FNDC3A: variants seen among roughly 807,000 people sequenced by gnomAD.
The protein encoded by FNDC3A is fibronectin type III domain containing 3A, also known as fibronectin type-III domain-containing protein 3A.
In FNDC3A, 32 loss-of-function variants were observed where a neutral mutation model predicts 148.9. That is an observed-to-expected ratio of 0.21 (90% confidence interval 0.16 to 0.29). The LOEUF is 0.29. FNDC3A is among the 10% of genes least tolerant of loss of function. The pLI, the probability that FNDC3A is intolerant of heterozygous loss-of-function variation, is 1.00. For missense variants in FNDC3A, 1,191 were observed against 1,452.8 expected, an observed-to-expected ratio of 0.82 and a Z score of 2.93; for synonymous variants, 472 against 473.6, an observed-to-expected ratio of 1.00 and a Z score of 0.04.
chr13:49,170,099 G>C (rs762856750), intron 10 of FNDC3A, among the ~76,000 whole-genome samples: 1 of 152,096 alleles, frequency 6.6e-6, no homozygotes. Context: ...AGATGTAGGT[G>C]GTGGTACCTC....
intron 7 of FNDC3A, among the ~76,000 whole-genome samples, chr13:49,142,882 C>G (rs1882768640): frequency 6.6e-6 from 1 of 152,122 alleles, no homozygotes. Flanking sequence ...CTTTTTGAGA[C>G]AGAGTCTTGC....
chr13:49,040,065 A>G (rs1874808485), intron 2 of FNDC3A, among the ~76,000 whole-genome samples: 1 of 152,204 alleles, frequency 6.6e-6, no homozygotes, highest in African/African-American at 2.4e-5. Flanking sequence ...ATGTCATCGT[A>G]GGACACTTGT....
chr13:49,112,148 A>G (rs573120431), intron 3 of FNDC3A, among the ~76,000 whole-genome samples: 1 of 152,306 alleles, frequency 6.6e-6, no homozygotes, highest in East Asian at 1.9e-4. Context: ...TAAGGATTAA[A>G]TTTGACAGCA....
At chr13:49,075,861 T>TCCAGTCCTA (rs1272748764) in intron 3 of FNDC3A, among the ~76,000 whole-genome samples, 1 of 118,636 alleles carries the variant, frequency 8.4e-6, no homozygotes, top group African/African-American at 3.2e-5. Flanking sequence ...AAGACTGAGC[T>TCCAGTCCTA]CCAGTCCTAC....
chr13:49,046,728 TGTA>T (rs1235688039), intron 2 of FNDC3A: 11 of 152,430 alleles, frequency 7.2e-5, no homozygotes, highest in Admixed American at 2.0e-4. Flanking sequence ...CACCTAATGG[TGTA>T]GTAATAGTGT....
At chr13:49,027,942 A>G (rs1472308108) in intron 2 of FNDC3A, among the ~76,000 whole-genome samples, 1 of 152,116 alleles carries the variant, frequency 6.6e-6, no homozygotes, top group African/African-American at 2.4e-5. Context: ...TTCAGGTGCA[A>G]TGGCTCACAC....
chr13:49,013,596 A>ATGTACACGTGTATACATG (rs1267037774), intron 2 of FNDC3A, among the ~76,000 whole-genome samples: 7 of 151,570 alleles, frequency 4.6e-5, no homozygotes, highest in South Asian at 2.1e-4. Context: ...GCAAGTATAG[A>ATGTACACGTGTATACATG]TGTACACGTG....
chr13:49,122,423 C>T (rs545410386), intron 4 of FNDC3A, among the ~76,000 whole-genome samples: 1 of 152,262 alleles, frequency 6.6e-6, no homozygotes, highest in South Asian at 2.1e-4. Flanking sequence ...GAAGCATTAC[C>T]TTTGAAAACC....
chr13:49,076,557 A>G (rs979002433), intron 3 of FNDC3A, among the ~76,000 whole-genome samples: 10 of 151,744 alleles, frequency 6.6e-5, no homozygotes, highest in African/African-American at 2.4e-4. Flanking sequence ...CGGTGAGTAC[A>G]TTTCTCATCA....
intron 8 of FNDC3A, among the ~76,000 whole-genome samples, chr13:49,149,647 ACTTTT>A (rs1046719294): frequency 1.3e-5 from 2 of 152,020 alleles, no homozygotes; most frequent in African/African-American, 4.8e-5. Context: ...ATTAGTCTGT[ACTTTT>A]CTTTTTTTGT....
intron 3 of FNDC3A, 33 bp from the exon 4 acceptor site, chr13:49,114,622 T>G (rs1453102477): frequency 2.7e-6 from 4 of 1,459,416 alleles, no homozygotes; most frequent in Non-Finnish European, 3.8e-6. Flanking sequence ...TAAGCAATCA[T>G]GGGTTAATAC....
At chr13:49,022,800 T>TC (rs1399488581) in intron 2 of FNDC3A, among the ~76,000 whole-genome samples, 2 of 151,988 alleles carry the variant, frequency 1.3e-5, no homozygotes, top group African/African-American at 4.8e-5. Flanking sequence ...TTAGTTTTTT[T>TC]CTCCCACACG....
At chr13:49,069,978 A>G (rs1486244236) in intron 2 of FNDC3A, among the ~76,000 whole-genome samples, 2 of 152,326 alleles carry the variant, frequency 1.3e-5, no homozygotes, top group East Asian at 3.9e-4. Context: ...TCTTCAGATA[A>G]ATTTTAGATA....
chr13:49,066,189 C>T (rs1385150137), intron 2 of FNDC3A, among the ~76,000 whole-genome samples: 1 of 152,098 alleles, frequency 6.6e-6, no homozygotes, highest in Non-Finnish European at 1.5e-5. Context: ...AAACTGTATT[C>T]CTGTATTCGT....
At chr13:49,041,838 A>T (rs1320354519) in intron 2 of FNDC3A, among the ~76,000 whole-genome samples, 4 of 151,890 alleles carry the variant, frequency 2.6e-5, no homozygotes, top group Non-Finnish European at 5.9e-5. Context: ...AAAGAAAAGA[A>T]AAAGAAAACC....
intron 23 of FNDC3A, among the ~76,000 whole-genome samples, chr13:49,200,390 T>A (rs1300537198): frequency 6.6e-6 from 1 of 152,216 alleles, no homozygotes; most frequent in African/African-American, 2.4e-5. Context: ...AATGTTAGCC[T>A]TTGTTCTTGG....
At chr13:49,083,618 G>C (rs1340363280) in intron 3 of FNDC3A, among the ~76,000 whole-genome samples, 1 of 152,126 alleles carries the variant, frequency 6.6e-6, no homozygotes, top group Non-Finnish European at 1.5e-5. Context: ...GTTTAACCTA[G>C]AAAAGAGGGC....
At chr13:49,114,838 C>A in intron 4 of FNDC3A, 107 bp downstream of exon 4, 1 of 828,376 alleles carries the variant, frequency 1.2e-6, no homozygotes, top group Non-Finnish European at 2.1e-6. Context: ...CTGAGGCTTA[C>A]CAAGTGTTGT....
At chr13:49,165,503 GT>G (rs1172412951) in intron 8 of FNDC3A, among the ~76,000 whole-genome samples, 1 of 152,148 alleles carries the variant, frequency 6.6e-6, no homozygotes, top group African/African-American at 2.4e-5. Flanking sequence ...CTGTAGTGAA[GT>G]TTTGCTGGGG....
Sources: gnomAD v4.1 joint callset for allele counts (sites outside exome capture counted in the v4.1 genomes callset) on GRCh38, gnomAD v4.1.1 for gene constraint, MANE v1.5 for transcripts, NCBI Gene and HGNC (gene_info 2026-07-23, HGNC 2026-07-21) for gene names.